DHRS3: variants seen among roughly 807,000 people sequenced by gnomAD.
DHRS3 encodes short-chain dehydrogenase/reductase 3.
A neutral mutation model predicts 27.2 loss-of-function variants in DHRS3; 14 were observed. The observed-to-expected ratio is 0.52, with a 90% CI of 0.34 to 0.81. The LOEUF is 0.81. DHRS3 is among the 30% of genes least tolerant of loss of function. The pLI is 0.01. For synonymous variants in DHRS3, 165 were observed against 175.9 expected (o/e 0.94, Z 0.49); for missense variants, 322 against 406.2 (o/e 0.79, Z 1.78).
At position 12,596,955 on chromosome 1, in the gene DHRS3, C is replaced by T. The variant is rs184552848; in HGVS notation, c.196-16289G>A. Reference sequence around the variant, plus strand: ...GGTTTATTGTGAGAAGCCGGGGTGACGAGGTCTTTGGGGATGAATAGTCCC... The same window carrying T: ...GGTTTATTGTGAGAAGCCGGGGTGATGAGGTCTTTGGGGATGAATAGTCCC... On this transcript the variant is annotated intron_variant, in intron 1 of 5. Coordinates refer to ENST00000616661, the MANE Select transcript of DHRS3 (RefSeq NM_004753.7). 3.3e-5 allele frequency among the ~76,000 whole-genome samples: 5 copies of T among 152,160 alleles called. No homozygotes were observed. In the East Asian group the frequency reaches 7.7e-4, roughly 24 times the overall value.
chr1:12,596,525 C>G (rs1219056313), intron 1 of DHRS3, among the ~76,000 whole-genome samples: 2 of 152,164 alleles, frequency 1.3e-5, no homozygotes, highest in African/African-American at 4.8e-5. Context: ...CCTTCCGAAG[C>G]AGGGGGCCTG....
chr1:12,595,039 A>G (rs991587577), intron 1 of DHRS3, among the ~76,000 whole-genome samples: 3 of 152,122 alleles, frequency 2.0e-5, no homozygotes, highest in Non-Finnish European at 4.4e-5. Flanking sequence ...GGTGTGCAGG[A>G]AGAGAATCCC....
At chr1:12,580,281 G>C in intron 2 of DHRS3, 1 of 546,238 alleles carries the variant, frequency 1.8e-6, no homozygotes, top group Admixed American at 2.9e-5. Context: ...CAGTCCTGGA[G>C]AGAAACCCAC....
At chr1:12,572,589 A>T in intron 5 of DHRS3, 139 bp downstream of exon 5, 1 of 1,358,310 alleles carries the variant, frequency 7.4e-7, no homozygotes, top group Non-Finnish European at 9.9e-7. Context: ...CAAGTTTGAG[A>T]ACTGCTGCCC....
At position 12,608,489 on chromosome 1, in the gene DHRS3, T is replaced by C. The variant is rs1570400633; in HGVS notation, c.195+8665A>G. On this transcript the variant is annotated intron_variant, in intron 1 of 5. Coordinates refer to ENST00000616661, the MANE Select transcript of DHRS3 (RefSeq NM_004753.7). The surrounding 1 kb of genome is among the most constrained non-coding windows in gnomAD (Gnocchi z 4.1). ...CTGCTGGAGGATCCTGCTGAAGTCATGCTGAGAAGGGCTGCCTTCTTTTAA... is the reference window on the plus strand; with the variant it reads ...CTGCTGGAGGATCCTGCTGAAGTCACGCTGAGAAGGGCTGCCTTCTTTTAA... Among the ~76,000 whole-genome samples, 1 of 152,152 alleles carries C rather than the reference T, an allele frequency of 6.6e-6. No individual in the cohort carries two copies. Among genetic ancestry groups the C allele is most frequent in the East Asian group, 1.9e-4 (1 of 5,174 alleles).
chr1:12,577,349 C>T (rs942747655), intron 4 of DHRS3, among the ~76,000 whole-genome samples: 6 of 152,160 alleles, frequency 3.9e-5, no homozygotes, highest in Admixed American at 6.5e-5. Flanking sequence ...TGGAGACATT[C>T]GCGCACCCCA....
intron 1 of DHRS3, chr1:12,600,333 G>T (rs775953775): frequency 1.6e-5 from 16 of 985,198 alleles, no homozygotes; most frequent in Non-Finnish European, 1.9e-5. Flanking sequence ...AGCCCTCGGA[G>T]GGCACCATGT....
chr1:12,604,779 G>A (rs185896107), intron 1 of DHRS3, among the ~76,000 whole-genome samples: 9 of 152,330 alleles, frequency 5.9e-5, no homozygotes, highest in Admixed American at 5.2e-4. Flanking sequence ...GGCCGGGTGC[G>A]GTGGCTCACG....
chr1:12,616,700 A>C, intron 1 of DHRS3: 2 of 1,002,442 alleles, frequency 2.0e-6, no homozygotes, highest in Non-Finnish European at 2.4e-6. Flanking sequence ...GCAGCCGCCC[A>C]GGTTGGGGCT....
At chr1:12,596,927 C>T (rs1259457519) in intron 1 of DHRS3, among the ~76,000 whole-genome samples, 1 of 152,124 alleles carries the variant, frequency 6.6e-6, no homozygotes. Flanking sequence ...AACTGAGCCT[C>T]TGGGTTTATT....
At chr1:12,610,111 C>T (rs1646897124) in intron 1 of DHRS3, among the ~76,000 whole-genome samples, 1 of 152,090 alleles carries the variant, frequency 6.6e-6, no homozygotes. Flanking sequence ...CAGAGTCTCC[C>T]ACTGTTGCTC....
At chr1:12,615,956 G>C (rs79091281) in intron 1 of DHRS3, among the ~76,000 whole-genome samples, 1 of 152,168 alleles carries the variant, frequency 6.6e-6, no homozygotes, top group African/African-American at 2.4e-5. Context: ...CACAGGCTCC[G>C]GCCAGCCCGG....
At chr1:12,616,547 A>G (rs1206509386) in intron 1 of DHRS3, 11 of 985,698 alleles carry the variant, frequency 1.1e-5, no homozygotes, top group Non-Finnish European at 1.3e-5. Flanking sequence ...GCTCTTTATC[A>G]GTAGCTGCTT....
In DHRS3 at chr1:12,592,130, G is replaced by A. The variant is rs377514134; in HGVS notation, c.196-11464C>T. The stretch of plus-strand genomic sequence containing the variant: ...CTCTCCAAGTGGGCGGGGTGGGACT[G>A]TGACAAGCACTCACCGCCACCACAG... On this transcript the variant is annotated intron_variant, in intron 1 of 5. Transcript: ENST00000616661. The surrounding 1 kb of genome is among the most constrained non-coding windows in gnomAD (Gnocchi z 4.2). Among the ~76,000 whole-genome samples the A allele has an allele frequency of 6.6e-6, 1 of 152,160 alleles. No individual in the cohort carries two copies. The highest frequency in any genetic ancestry group is 2.4e-5 in the African/African-American group (1 of 41,446).
intron 1 of DHRS3, chr1:12,600,517 G>A: frequency 2.3e-6 from 1 of 438,918 alleles, no homozygotes; most frequent in Non-Finnish European, 3.0e-6. Flanking sequence ...ATGTGGGTGT[G>A]TCTGGCAGGA....
At chr1:12,602,425 A>T (rs1241717328) in intron 1 of DHRS3, among the ~76,000 whole-genome samples, 1 of 152,182 alleles carries the variant, frequency 6.6e-6, no homozygotes, top group African/African-American at 2.4e-5. Context: ...AAAGGGTCAA[A>T]GTCTCCAATT....
At position 12,608,229 on chromosome 1, in the gene DHRS3, C is replaced by A. The variant is rs1646883842; in HGVS notation, c.195+8925G>T. 6.6e-6 allele frequency among the ~76,000 whole-genome samples: 1 copy of A among 152,108 alleles called. No individual in the cohort carries two copies. The highest frequency in any genetic ancestry group is 2.4e-5 in the African/African-American group (1 of 41,412). The stretch of plus-strand genomic sequence containing the variant: ...CCATTTTCCACCACCTTTTTGAAGT[C>A]CCCTTGTATATTACCACAGTCACGT... On this transcript the variant is annotated intron_variant, in intron 1 of 5. Coordinates refer to ENST00000616661, the MANE Select transcript of DHRS3 (RefSeq NM_004753.7). The surrounding 1 kb of genome is among the most constrained non-coding windows in gnomAD (Gnocchi z 4.1).
chr1:12,580,343 A>G, intron 2 of DHRS3, 180 bp downstream of exon 2: 1 of 735,978 alleles, frequency 1.4e-6, no homozygotes, highest in Non-Finnish European at 2.3e-6. Context: ...TTACGTAATC[A>G]ACCCTAATCC....
At chr1:12,590,533 C>T (rs890080703) in intron 1 of DHRS3, among the ~76,000 whole-genome samples, 2 of 152,118 alleles carry the variant, frequency 1.3e-5, no homozygotes, top group African/African-American at 4.8e-5. Flanking sequence ...TGGTCTCGAA[C>T]TCCTGACCTC....
Sources: allele counts gnomAD v4.1 joint callset (sites outside exome capture counted in the v4.1 genomes callset), GRCh38; gene constraint gnomAD v4.1.1; non-coding constraint Gnocchi (gnomAD v3.1); transcripts MANE v1.5; gene names NCBI Gene and HGNC (gene_info 2026-07-23, HGNC 2026-07-21).